Variants in FHIT observed in about 807,000 individuals in gnomAD.
FHIT encodes the protein fragile histidine triad diadenosine triphosphatase.
Under a neutral mutation model 17.9 loss-of-function variants are expected in FHIT, and 19 were observed. The ratio of observed to expected loss-of-function variants is 1.06; its 90% CI spans 0.74 to 1.56. The LOEUF (loss-of-function observed/expected upper bound fraction) is 1.56, where lower values mean the gene tolerates loss of function less well. Among genes scored for constraint, FHIT ranks in the 40% most tolerant of loss-of-function variants. The probability of loss-of-function intolerance (pLI) is 0.00; values close to 1 mark genes in which losing one functional copy is unlikely to be tolerated. For missense variants in FHIT, 248 were observed against 189.2 expected (o/e 1.31, Z -1.82); for synonymous variants, 81 against 69.7 (o/e 1.16, Z -0.81).
At chr3:60,433,133 A>T (rs185648985) in intron 5 of FHIT, among the ~76,000 whole-genome samples, 5 of 152,028 alleles carry the variant, frequency 3.3e-5, no homozygotes, top group African/African-American at 9.6e-5. Flanking sequence ...TACTTTTTTG[A>T]ATTTGACTGT....
intron 5 of FHIT, among the ~76,000 whole-genome samples, chr3:60,080,176 G>T (rs934735824): frequency 6.6e-6 from 1 of 152,152 alleles, no homozygotes; most frequent in African/African-American, 2.4e-5. Flanking sequence ...TTACCTGATA[G>T]AGTACCTATC....
intron 7 of FHIT, among the ~76,000 whole-genome samples, chr3:59,922,805 C>G (rs781217659): frequency 1.3e-5 from 2 of 151,992 alleles, no homozygotes; most frequent in African/African-American, 4.8e-5. Context: ...AAGTAAAGAG[C>G]GAGTGAATGA....
intron 5 of FHIT, among the ~76,000 whole-genome samples, chr3:60,054,223 T>C (rs976649383): frequency 6.6e-6 from 1 of 152,100 alleles, no homozygotes; most frequent in Non-Finnish European, 1.5e-5. Context: ...TTGCAAACAA[T>C]TACTGGAAAG....
chr3:59,863,732 T>A (rs1006537666), intron 8 of FHIT, among the ~76,000 whole-genome samples: 1 of 152,222 alleles, frequency 6.6e-6, no homozygotes, highest in Non-Finnish European at 1.5e-5. Context: ...TGAAGTACCT[T>A]CTTATAAAGG....
At chr3:61,133,819 C>T (rs1402202758) in intron 2 of FHIT, among the ~76,000 whole-genome samples, 2 of 152,070 alleles carry the variant, frequency 1.3e-5, no homozygotes, top group African/African-American at 4.8e-5. Flanking sequence ...CACAGTGGCT[C>T]ATGCCTGTAA....
intron 8 of FHIT, among the ~76,000 whole-genome samples, chr3:59,892,514 G>C (rs115545682): frequency 0.037 from 5,680 of 152,232 alleles, 372 homozygotes; most frequent in African/African-American, 0.13. Context: ...TCACTTTCCT[G>C]AGGCTTAGTG....
chr3:60,466,886 C>G (rs1428660132), intron 5 of FHIT, among the ~76,000 whole-genome samples: 5 of 149,894 alleles, frequency 3.3e-5, no homozygotes, highest in African/African-American at 1.2e-4. Context: ...TACTAGCCTC[C>G]TAGAATGAAT....
chr3:59,769,905 T>C (rs1457524648), intron 8 of FHIT, among the ~76,000 whole-genome samples: 2 of 152,230 alleles, frequency 1.3e-5, no homozygotes, highest in East Asian at 3.8e-4. Flanking sequence ...TTTTTACTAA[T>C]ATAAATTCAA....
chr3:60,569,383 A>C (rs1320931186), intron 4 of FHIT, among the ~76,000 whole-genome samples: 1 of 151,958 alleles, frequency 6.6e-6, no homozygotes, highest in African/African-American at 2.4e-5. Context: ...AAAGAGGCTA[A>C]CTCCTTTATC....
chr3:61,079,971 C>T (rs992089784), intron 2 of FHIT, among the ~76,000 whole-genome samples: 1 of 152,014 alleles, frequency 6.6e-6, no homozygotes, highest in African/African-American at 2.4e-5. Context: ...CAATAAATGT[C>T]ATTTAAAATA....
intron 5 of FHIT, among the ~76,000 whole-genome samples, chr3:60,461,902 C>A (rs945441111): frequency 5.3e-5 from 8 of 152,060 alleles, no homozygotes; most frequent in Non-Finnish European, 1.2e-4. Context: ...AAAAGGGAAC[C>A]CCCGCCCCCC....
intron 5 of FHIT, among the ~76,000 whole-genome samples, chr3:60,205,924 C>T (rs1289926876): frequency 2.7e-5 from 4 of 150,594 alleles, no homozygotes; most frequent in African/African-American, 7.3e-5. Context: ...CTGGCTAACA[C>T]GGTGAAACCC....
At chr3:60,921,140 G>A (rs373790720) in intron 3 of FHIT, among the ~76,000 whole-genome samples, 7 of 152,128 alleles carry the variant, frequency 4.6e-5, no homozygotes, top group South Asian at 4.1e-4. Context: ...AAAGGCAAAC[G>A]ACACTTCTGA....
chr3:60,073,085 C>A (rs1322176601), intron 5 of FHIT, among the ~76,000 whole-genome samples: 1 of 152,178 alleles, frequency 6.6e-6, no homozygotes, highest in East Asian at 1.9e-4. Flanking sequence ...GGGGAAATTT[C>A]TGCAGGTGTG....
At chr3:59,822,452 A>G (rs1700828687) in intron 8 of FHIT, among the ~76,000 whole-genome samples, 1 of 152,104 alleles carries the variant, frequency 6.6e-6, no homozygotes, top group African/African-American at 2.4e-5. Context: ...CATCCACGCC[A>G]ACATCTATTA....
chr3:60,365,439 T>C (rs1277186864), intron 5 of FHIT, among the ~76,000 whole-genome samples: 1 of 152,080 alleles, frequency 6.6e-6, no homozygotes, highest in Non-Finnish European at 1.5e-5. Context: ...ATTCACGTTT[T>C]AAAATAGATC....
At chr3:60,647,855 G>A (rs1203438319) in intron 4 of FHIT, among the ~76,000 whole-genome samples, 1 of 152,206 alleles carries the variant, frequency 6.6e-6, no homozygotes, top group African/African-American at 2.4e-5. Context: ...TCTTGGGGAT[G>A]AATTGTCATA....
At chr3:59,893,210 G>A (rs760109330) in intron 8 of FHIT, among the ~76,000 whole-genome samples, 1 of 152,166 alleles carries the variant, frequency 6.6e-6, no homozygotes, top group African/African-American at 2.4e-5. Context: ...AATTGTTTCT[G>A]TAGCCTATTC....
At chr3:61,183,572 T>A (rs111560358) in intron 2 of FHIT, among the ~76,000 whole-genome samples, 2,151 of 152,310 alleles carry the variant, frequency 0.014, 56 homozygotes, top group African/African-American at 0.049. Flanking sequence ...CTAACCTCTC[T>A]GAACATCTGT....
Sources: allele counts gnomAD v4.1 joint callset (sites outside exome capture counted in the v4.1 genomes callset), GRCh38; gene constraint gnomAD v4.1.1; transcripts MANE v1.5; gene names NCBI Gene and HGNC (gene_info 2026-07-23, HGNC 2026-07-21).